KCNT2: variants seen among roughly 807,000 people sequenced by gnomAD.
The protein encoded by KCNT2 is potassium sodium-activated channel subfamily T member 2.
Under a neutral mutation model 153.8 loss-of-function variants are expected in KCNT2, and 67 were observed. The ratio of observed to expected loss-of-function variants is 0.44; its 90% CI spans 0.36 to 0.53. The LOEUF is 0.53. Ranked by LOEUF, KCNT2 falls within the 20% of genes least tolerant of loss-of-function variation. KCNT2 has a pLI of 0.00. For synonymous variants in KCNT2, 500 were observed against 458.8 expected (o/e 1.09, Z -1.15); for missense variants, 975 against 1,354.8 (o/e 0.72, Z 4.40).
chr1:196,605,304 G>A (rs1323819241), intron 1 of KCNT2, among the ~76,000 whole-genome samples: 2 of 152,214 alleles, frequency 1.3e-5, no homozygotes, highest in Non-Finnish European at 2.9e-5. Flanking sequence ...TAGGGGAGAA[G>A]AGAGACAGAA....
At chr1:196,530,351 A>G (rs1432821604) in intron 1 of KCNT2, among the ~76,000 whole-genome samples, 1 of 151,996 alleles carries the variant, frequency 6.6e-6, no homozygotes. Context: ...GCAATAAAAG[A>G]CAATTAGTTA....
At chr1:196,471,295 A>T (rs1372245832) in intron 5 of KCNT2, among the ~76,000 whole-genome samples, 2 of 152,198 alleles carry the variant, frequency 1.3e-5, no homozygotes, top group African/African-American at 4.8e-5. Context: ...TCATCTGATT[A>T]GCATGGATGA....
intron 3 of KCNT2, among the ~76,000 whole-genome samples, chr1:196,483,138 T>A (rs1679143656): frequency 6.6e-6 from 1 of 152,184 alleles, no homozygotes; most frequent in Non-Finnish European, 1.5e-5. Context: ...AGGTGAATGG[T>A]AGTTTTTCGC....
chr1:196,493,390 A>G (rs1450691691), intron 1 of KCNT2, among the ~76,000 whole-genome samples: 1 of 151,608 alleles, frequency 6.6e-6, no homozygotes, highest in Non-Finnish European at 1.5e-5. Context: ...CTTAGAGAAA[A>G]CTAGGAGAAA....
chr1:196,531,576 A>T (rs1453919242), intron 1 of KCNT2, among the ~76,000 whole-genome samples: 3 of 152,112 alleles, frequency 2.0e-5, no homozygotes, highest in Non-Finnish European at 4.4e-5. Flanking sequence ...TTGGTCTCAC[A>T]TCTTTATGGT....
chr1:196,540,975 A>T (rs1057262193), intron 1 of KCNT2, among the ~76,000 whole-genome samples: 1 of 152,058 alleles, frequency 6.6e-6, no homozygotes, highest in Admixed American at 6.6e-5. Flanking sequence ...CTGAGGTAGG[A>T]GAATGGAGTG....
chr1:196,360,231 C>A (rs573245837), intron 14 of KCNT2, among the ~76,000 whole-genome samples: 39 of 151,916 alleles, frequency 2.6e-4, no homozygotes, highest in Non-Finnish European at 4.4e-4. Flanking sequence ...CTATTATTTT[C>A]TTTTCCTGTG....
chr1:196,266,531 A>T (rs1657558037), intron 25 of KCNT2, among the ~76,000 whole-genome samples: 1 of 152,198 alleles, frequency 6.6e-6, no homozygotes, highest in African/African-American at 2.4e-5. Context: ...AAGTAAATCA[A>T]ATCAAATCTT....
At chr1:196,331,353 T>C (rs980999214) in intron 17 of KCNT2, 92 bp from the exon 18 acceptor site, 3 of 751,494 alleles carry the variant, frequency 4.0e-6, no homozygotes, top group African/African-American at 3.5e-5. Flanking sequence ...AATAACATTA[T>C]AATCAATACC....
intron 26 of KCNT2, among the ~76,000 whole-genome samples, chr1:196,247,359 T>C (rs1175930209): frequency 6.6e-6 from 1 of 152,218 alleles, no homozygotes; most frequent in Non-Finnish European, 1.5e-5. Flanking sequence ...CCTCTTTCAA[T>C]GTGGAACAGA....
intron 12 of KCNT2, among the ~76,000 whole-genome samples, chr1:196,408,532 AT>A (rs1485763667): frequency 4.6e-5 from 7 of 151,676 alleles, no homozygotes; most frequent in Non-Finnish European, 1.0e-4. Flanking sequence ...CCTTTCTAAT[AT>A]AAAGATTTAA....
chr1:196,229,668 A>C (rs772524544), intron 27 of KCNT2, among the ~76,000 whole-genome samples: 1 of 152,076 alleles, frequency 6.6e-6, no homozygotes, highest in Admixed American at 6.6e-5. Flanking sequence ...TGTGAATGCA[A>C]AGGAAAAGTT....
intron 3 of KCNT2, among the ~76,000 whole-genome samples, chr1:196,483,189 T>C (rs1396352449): frequency 6.6e-6 from 1 of 152,192 alleles, no homozygotes. Flanking sequence ...ATTTGGCTAC[T>C]CAAAACTTGA....
chr1:196,236,200 T>A, intron 26 of KCNT2, 130 bp from the exon 27 acceptor site: 1 of 629,002 alleles, frequency 1.6e-6, no homozygotes. Context: ...CACAGCATGA[T>A]TGTGCACATA....
rs1653601026 is a variant in KCNT2 at position 196,227,727 on chromosome 1, G to C, written c.*497C>G. On this transcript the variant is annotated 3_prime_UTR_variant, in exon 28 of 28. Coordinates refer to ENST00000294725, the MANE Select transcript of KCNT2 (RefSeq NM_198503.5). ...AGCAAACTATGATTCTTACACAAAA[G>C]TCAGCCACACAAGTTTGTTGGTTAA... 6.6e-6 allele frequency: 1 copy of C among 152,478 alleles called. No individual in the cohort carries two copies. The highest frequency in any genetic ancestry group is 2.4e-5 in the African/African-American group (1 of 41,414). 9.4% of individuals were successfully genotyped at this position (152,478 alleles called of 1,614,324 possible).
At chr1:196,568,972 T>C (rs1370883096) in intron 1 of KCNT2, among the ~76,000 whole-genome samples, 1 of 152,128 alleles carries the variant, frequency 6.6e-6, no homozygotes, top group East Asian at 1.9e-4. Context: ...AAAGAAGCAA[T>C]AATCCAGGAC....
intron 3 of KCNT2, among the ~76,000 whole-genome samples, chr1:196,488,318 T>C: frequency 6.6e-6 from 1 of 152,000 alleles, no homozygotes; most frequent in East Asian, 1.9e-4. Context: ...TAACCAATAC[T>C]GCACTAACCA....
In KCNT2 at chr1:196,297,173, C is replaced by T. The variant is rs148424073; in HGVS notation, c.2595+8061G>A. Among the ~76,000 whole-genome samples, 45 of 151,716 alleles carry T rather than the reference C, an allele frequency of 3.0e-4. No homozygotes were observed. The East Asian group carries it at 6.6e-3, about 22-fold the overall frequency. ...GTGTGTGCATATGTTTATGAAAAGA[C>T]AATTGTTGGACTTCCTAAGAATAAT... is the stretch of plus-strand genomic sequence containing the variant. On this transcript the variant is annotated intron_variant, in intron 22 of 27. Transcript: ENST00000294725.
chr1:196,338,327 G>T (rs1665237186), intron 16 of KCNT2, among the ~76,000 whole-genome samples: 1 of 152,032 alleles, frequency 6.6e-6, no homozygotes, highest in Admixed American at 6.6e-5. Flanking sequence ...GAGCAGCAAA[G>T]AGGTGGTAAA....
Sources: gnomAD v4.1 joint callset for allele counts (sites outside exome capture counted in the v4.1 genomes callset) on GRCh38, gnomAD v4.1.1 for gene constraint, MANE v1.5 for transcripts, NCBI Gene and HGNC (gene_info 2026-07-23, HGNC 2026-07-21) for gene names.